Variants in SRP54 observed in about 807,000 individuals in gnomAD.
SRP54 encodes the protein signal recognition particle 54.
A neutral mutation model predicts 64.8 loss-of-function variants in SRP54; 10 were observed. The observed-to-expected ratio is 0.15, with a 90% CI of 0.10 to 0.26. The LOEUF (loss-of-function observed/expected upper bound fraction) is 0.26. Among genes scored for constraint, SRP54 ranks in the 10% least tolerant of loss-of-function variants. The probability of loss-of-function intolerance (pLI) is 1.00; values close to 1 mark genes in which losing one functional copy is unlikely to be tolerated. For synonymous variants in SRP54, 193 were observed against 185.6 expected (o/e 1.04, Z -0.32); for missense variants, 325 against 613.7 (o/e 0.53, Z 4.97).
intron 11 of SRP54, among the ~76,000 whole-genome samples, chr14:35,018,378 T>C (rs2044476627): frequency 6.6e-6 from 1 of 152,182 alleles, no homozygotes; most frequent in African/African-American, 2.4e-5. Flanking sequence ...ACTTTTGATA[T>C]TGTCAACCTT....
chr14:35,018,754 A>G lies in SRP54; in HGVS notation c.1036A>G (p.Ser346Gly). ...FQNIMKMGPFSQILGMIPGFG... is the reference protein window; with the variant it reads ...FQNIMKMGPFGQILGMIPGFG... ...AAATATCATGAAAATGGGCCCCTTC[A>G]GTCAGATCTTGGTTAGTTATCCTTA... is the stretch of plus-strand genomic sequence containing the variant. Residue 346 changes from serine to glycine, a missense_variant, in exon 12 of 16, where the codon AGT becomes GGT. This residue lies in a region of SRP54 where 146 missense variants were observed against 337.4 expected (regional missense o/e 0.43). Transcript: ENST00000216774. 2 of 1,613,460 alleles carry G rather than the reference A, an allele frequency of 1.2e-6. No individual in the cohort carries two copies. Among genetic ancestry groups the G allele is most frequent in the Non-Finnish European group, 8.5e-7 (1 of 1,179,732 alleles).
intron 14 of SRP54, 42 bp downstream of exon 14, chr14:35,023,122 AAAGG>A: frequency 6.6e-7 from 1 of 1,504,962 alleles, no homozygotes; most frequent in Non-Finnish European, 9.0e-7. Flanking sequence ...GACGGAAAAG[AAAGG>A]AAGTTGAGAA....
At chr14:35,017,012 G>A (rs894486049) in intron 11 of SRP54, among the ~76,000 whole-genome samples, 1 of 151,896 alleles carries the variant, frequency 6.6e-6, no homozygotes, top group Non-Finnish European at 1.5e-5. Flanking sequence ...GCACTGCCAC[G>A]CCCGGCTAAT....
intron 7 of SRP54, among the ~76,000 whole-genome samples, chr14:35,009,362 T>TTTTTTTTTTTTTTTTTGAG (rs2044319154): frequency 1.4e-5 from 2 of 146,074 alleles, no homozygotes; most frequent in African/African-American, 4.9e-5. Flanking sequence ...ATGTTCTTAT[T>TTTTTTTTTTTTTTTTTGAG]AAGTGTATTT....
intron 5 of SRP54, among the ~76,000 whole-genome samples, chr14:35,008,293 G>T (rs6571692): frequency 6.6e-6 from 1 of 151,762 alleles, no homozygotes; most frequent in African/African-American, 2.4e-5. Flanking sequence ...CAAGCTTCAC[G>T]TATGTTACAG....
chr14:35,014,978 T>A, intron 11 of SRP54, 148 bp downstream of exon 11: 4 of 557,666 alleles, frequency 7.2e-6, no homozygotes. Context: ...TGCAAATCAT[T>A]TAAAATCTCA....
chr14:35,024,739 T>G (rs1162824274), intron 14 of SRP54, among the ~76,000 whole-genome samples: 1 of 152,018 alleles, frequency 6.6e-6, no homozygotes, highest in Non-Finnish European at 1.5e-5. Context: ...ATTTTCTTCT[T>G]TTTTTGAGAC....
chr14:35,011,903 T>C (rs2044362305), intron 8 of SRP54, among the ~76,000 whole-genome samples: 1 of 152,190 alleles, frequency 6.6e-6, no homozygotes, highest in East Asian at 1.9e-4. Context: ...ATCCTATTAG[T>C]ATGCATAAGA....
In SRP54 at chr14:35,001,104, AAT is replaced by A. The variant is rs369210450; in HGVS notation, c.255+87_255+88del. The A allele has an allele frequency of 6.9e-4, 376 of 545,560 alleles. 5 individuals are homozygous for A. In the South Asian group the frequency reaches 0.017, roughly 24 times the overall value. 33.8% of individuals were successfully genotyped at this position (545,560 alleles called of 1,614,324 possible). ...CACTACAAATATTTCAGAATTTTTA[AAT>A]ATGTTTTTTATGGAATATTCATCTG... On this transcript the variant is annotated intron_variant, in intron 4 of 15. Coordinates refer to ENST00000216774, the MANE Select transcript of SRP54 (RefSeq NM_003136.4).
chr14:34,995,161 G>GTGTGTT (rs1421301532), intron 1 of SRP54, among the ~76,000 whole-genome samples: 16 of 141,310 alleles, frequency 1.1e-4, no homozygotes, highest in African/African-American at 3.8e-4. Context: ...GTGTGTGTGT[G>GTGTGTT]TGTGTGTGTG....
chr14:35,008,978 C>T (rs2044311844), intron 7 of SRP54, 147 bp downstream of exon 7: 4 of 598,776 alleles, frequency 6.7e-6, no homozygotes, highest in Non-Finnish European at 1.1e-5. Context: ...CCACCACCTC[C>T]TGGGTTCAAG....
At chr14:35,005,939 A>G (rs866470087) in intron 4 of SRP54, among the ~76,000 whole-genome samples, 1 of 152,062 alleles carries the variant, frequency 6.6e-6, no homozygotes, top group African/African-American at 2.4e-5. Context: ...ACCCGGGTTC[A>G]TGCCATTCTC....
At chr14:35,008,902 T>C in intron 7 of SRP54, 71 bp downstream of exon 7, 1 of 1,269,970 alleles carries the variant, frequency 7.9e-7, no homozygotes, top group East Asian at 2.5e-5. Flanking sequence ...TTTTTTTTTT[T>C]TTGAGACGGA....
chr14:35,022,556 C>T lies in SRP54; in HGVS notation c.1157-354C>T, dbSNP rs533866709. Among the ~76,000 whole-genome samples the T allele has an allele frequency of 1.0e-3, 153 of 152,174 alleles. 1 individual carries two copies. Among genetic ancestry groups the T allele is most frequent in the African/African-American group, 3.6e-3 (149 of 41,522 alleles). On this transcript the variant is annotated intron_variant, in intron 13 of 15. Transcript: ENST00000216774. ...ATTATTAGTAAAGACAGGGTTTCAC[C>T]ATATTGGCCAGGCTGGTGTCGAACT...
intron 14 of SRP54, among the ~76,000 whole-genome samples, chr14:35,023,716 G>A (rs980943677): frequency 4.0e-5 from 6 of 151,390 alleles, no homozygotes; most frequent in Non-Finnish European, 5.9e-5. Flanking sequence ...CCCAGGAGGC[G>A]GAGCTTGCAG....
chr14:35,001,688 C>T (rs1021082746), intron 4 of SRP54, among the ~76,000 whole-genome samples: 1 of 152,078 alleles, frequency 6.6e-6, no homozygotes, highest in Non-Finnish European at 1.5e-5. Context: ...CTACACTGTT[C>T]GTTGTGTAAG....
At chr14:35,000,840 A>G (rs115102624) in intron 3 of SRP54, 96 bp from the exon 4 acceptor site, 282 of 538,932 alleles carry the variant, frequency 5.2e-4, no homozygotes, top group African/African-American at 4.8e-3. Context: ...TGAATGACTG[A>G]ATGTTGTACA....
chr14:35,003,564 T>G (rs958224425), intron 4 of SRP54, among the ~76,000 whole-genome samples: 1 of 109,330 alleles, frequency 9.1e-6, no homozygotes, highest in African/African-American at 3.0e-5. Context: ...GTTTTTTTGG[T>G]TTTTTTGGTT....
chr14:35,023,384 A>G (rs1329522926), intron 14 of SRP54, among the ~76,000 whole-genome samples: 2 of 151,962 alleles, frequency 1.3e-5, no homozygotes, highest in East Asian at 3.9e-4. Context: ...CATTACCTTT[A>G]CTCCCCAGAG....
Sources: gnomAD v4.1 joint callset for allele counts (sites outside exome capture counted in the v4.1 genomes callset) on GRCh38, gnomAD v4.1.1 for gene constraint, gnomAD v4.1.1 regional missense constraint, MANE v1.5 for transcripts, NCBI Gene and HGNC (gene_info 2026-07-23, HGNC 2026-07-21) for gene names.